Variants in CNBD1 observed in about 807,000 individuals in gnomAD.
The protein encoded by CNBD1 is cyclic nucleotide-binding domain-containing protein 1.
Under a neutral mutation model 54.4 loss-of-function variants are expected in CNBD1, and 71 were observed. That is an observed-to-expected ratio of 1.30 (90% CI 1.08 to 1.59). The LOEUF (loss-of-function observed/expected upper bound fraction) is 1.59. CNBD1 is among the 40% of genes most tolerant of loss of function. The probability of loss-of-function intolerance (pLI) is 0.00; values close to 1 mark genes in which losing one functional copy is unlikely to be tolerated. For synonymous variants in CNBD1, 182 were observed against 170.7 expected, an observed-to-expected ratio of 1.07 and a Z score of -0.51; for missense variants, 659 against 518.0, an observed-to-expected ratio of 1.27 and a Z score of -2.64.
intron 4 of CNBD1, among the ~76,000 whole-genome samples, chr8:87,196,274 T>C (rs1326229988): frequency 6.6e-6 from 1 of 152,190 alleles, no homozygotes; most frequent in Non-Finnish European, 1.5e-5. Context: ...TCAGAAGATA[T>C]GATATTTTTA....
At chr8:86,894,147 C>T (rs1416192137) in intron 2 of CNBD1, among the ~76,000 whole-genome samples, 2 of 139,354 alleles carry the variant, frequency 1.4e-5, no homozygotes, top group African/African-American at 5.3e-5. Flanking sequence ...CTGCAAGCTC[C>T]GCTTCCCGGG....
In CNBD1 at chr8:87,400,761, T is replaced by C. The variant is rs1162619089; in HGVS notation, c.214-27785T>C. On this transcript the variant is annotated intron_variant, in intron 2 of 7. Transcript: ENST00000521593. Reference sequence around the variant, plus strand: ...TCAAAGGAAAAAAAATTACTTATCCTCTGAGATAAGTAAAAGATAAATCTA... The same window carrying C: ...TCAAAGGAAAAAAAATTACTTATCCCCTGAGATAAGTAAAAGATAAATCTA... 2.0e-5 allele frequency among the ~76,000 whole-genome samples: 3 copies of C among 152,004 alleles called. No homozygotes were observed. The East Asian group carries it at 5.8e-4, about 29-fold the overall frequency.
chr8:86,968,030 G>A lies in CNBD1; in HGVS notation c.431+28276G>A, dbSNP rs181337502. On this transcript the variant is annotated intron_variant, in intron 4 of 10. Coordinates refer to ENST00000518476, the MANE Select transcript of CNBD1 (RefSeq NM_173538.3). ...TGGGCCTGGACTGGGAATGTTACAT[G>A]TGCTTCTGAGTATTTTTCCCCCTCC... Among the ~76,000 whole-genome samples, 92 of 152,218 alleles carry A rather than the reference G, an allele frequency of 6.0e-4. 2 individuals carry two copies. The highest frequency in any genetic ancestry group is 2.0e-3 in the African/African-American group (84 of 41,530).
At chr8:87,395,042 C>A (rs1450841945) in intron 2 of CNBD1, among the ~76,000 whole-genome samples, 1 of 151,800 alleles carries the variant, frequency 6.6e-6, no homozygotes, top group Non-Finnish European at 1.5e-5. Context: ...AGCTCAAAAG[C>A]ACTTCGCTTA....
At chr8:87,369,703 G>T (rs981031367) in intron 10 of CNBD1, among the ~76,000 whole-genome samples, 8 of 151,438 alleles carry the variant, frequency 5.3e-5, no homozygotes, top group Admixed American at 1.3e-4. Flanking sequence ...TGGATGATTT[G>T]TCACTTTCCT....
At chr8:87,088,753 A>C (rs1312774096) in intron 4 of CNBD1, among the ~76,000 whole-genome samples, 1 of 152,136 alleles carries the variant, frequency 6.6e-6, no homozygotes, top group African/African-American at 2.4e-5. Flanking sequence ...CCTGTAAACT[A>C]AGTCTTTTTG....
chr8:87,324,491 G>T (rs1054908190), intron 8 of CNBD1, among the ~76,000 whole-genome samples: 1 of 147,226 alleles, frequency 6.8e-6, no homozygotes, highest in Admixed American at 6.8e-5. Flanking sequence ...TCCTGTTATT[G>T]GTCTATTCAG....
chr8:87,306,903 T>G (rs1227030911), intron 8 of CNBD1, among the ~76,000 whole-genome samples: 3 of 151,708 alleles, frequency 2.0e-5, no homozygotes, highest in Admixed American at 1.3e-4. Context: ...CCCAAATAAT[T>G]TACGGAAAAT....
chr8:87,281,688 T>TGC (rs1230270234), intron 6 of CNBD1, among the ~76,000 whole-genome samples: 1 of 149,408 alleles, frequency 6.7e-6, no homozygotes, highest in Admixed American at 6.7e-5. Context: ...TCTTAGGAGA[T>TGC]GCGTTTCTGG....
chr8:86,900,311 AGTTTTTC>A (rs1808913421), intron 2 of CNBD1, among the ~76,000 whole-genome samples: 1 of 152,138 alleles, frequency 6.6e-6, no homozygotes, highest in African/African-American at 2.4e-5. Context: ...TCATGATAAA[AGTTTTTC>A]CTGAGTCTGT....
intron 10 of CNBD1, among the ~76,000 whole-genome samples, chr8:87,369,717 GC>G (rs1406125921): frequency 6.6e-6 from 1 of 151,476 alleles, no homozygotes; most frequent in Non-Finnish European, 1.5e-5. Context: ...CTTTCCTAGT[GC>G]TGCTTTCTTT....
intron 4 of CNBD1, among the ~76,000 whole-genome samples, chr8:86,978,771 C>T (rs1420492389): frequency 6.6e-6 from 1 of 151,850 alleles, no homozygotes; most frequent in Non-Finnish European, 1.5e-5. Flanking sequence ...CGACCTCAGG[C>T]GATCCACCTG....
chr8:86,960,764 G>T (rs769471437), intron 4 of CNBD1, among the ~76,000 whole-genome samples: 3 of 152,130 alleles, frequency 2.0e-5, no homozygotes. Context: ...TCATACAGCT[G>T]GATGCCCCTC....
intron 10 of CNBD1, among the ~76,000 whole-genome samples, chr8:87,379,654 G>A (rs1047565608): frequency 2.0e-5 from 3 of 151,942 alleles, no homozygotes; most frequent in Non-Finnish European, 2.9e-5. Flanking sequence ...GGTCATAAAA[G>A]TGCATATTAA....
At chr8:87,159,692 C>T (rs111344375) in intron 4 of CNBD1, among the ~76,000 whole-genome samples, 1 of 152,012 alleles carries the variant, frequency 6.6e-6, no homozygotes, top group African/African-American at 2.4e-5. Flanking sequence ...TGAGTAGCAC[C>T]TCTGCAGCCA....
intron 4 of CNBD1, among the ~76,000 whole-genome samples, chr8:87,081,919 G>T (rs1243268685): frequency 6.6e-6 from 1 of 152,068 alleles, no homozygotes; most frequent in East Asian, 1.9e-4. Flanking sequence ...ATTGATAGAG[G>T]ATTAATTGTA....
intron 4 of CNBD1, among the ~76,000 whole-genome samples, chr8:86,952,623 A>G (rs1055733703): frequency 2.0e-5 from 3 of 151,876 alleles, no homozygotes; most frequent in Non-Finnish European, 4.4e-5. Flanking sequence ...TATTAAATGT[A>G]TAAGCATTTT....
intron 7 of CNBD1, 82 bp downstream of exon 7, chr8:87,284,897 C>T: frequency 1.0e-6 from 1 of 959,490 alleles, no homozygotes; most frequent in East Asian, 2.7e-5. Flanking sequence ...ACAAAGACAG[C>T]TATATCTGTT....
chr8:87,163,967 C>G lies in CNBD1; in HGVS notation c.432-42026C>G, dbSNP rs992847129. Among the ~76,000 whole-genome samples the G allele has an allele frequency of 1.3e-5, 2 of 151,740 alleles. No homozygotes were observed. The highest frequency in any genetic ancestry group is 4.8e-5 in the African/African-American group (2 of 41,356). On this transcript the variant is annotated intron_variant, in intron 4 of 10. Coordinates refer to ENST00000518476, the MANE Select transcript of CNBD1 (RefSeq NM_173538.3). The surrounding 1 kb of genome is among the most constrained non-coding windows in gnomAD (Gnocchi z 4.5). ...GGTCTTTATTGTATTGAGATACTTT[C>G]CTCCTGTACCTAATTTGTTGAGAAT...
Sources: allele counts gnomAD v4.1 joint callset (sites outside exome capture counted in the v4.1 genomes callset), GRCh38; gene constraint gnomAD v4.1.1; non-coding constraint Gnocchi (gnomAD v3.1); transcripts MANE v1.5; gene names NCBI Gene and HGNC (gene_info 2026-07-23, HGNC 2026-07-21).